The following MARCHF8 variants were observed in gnomAD, a reference collection of about 807,000 sequenced individuals.
MARCHF8 encodes membrane associated ring-CH-type finger 8.
In MARCHF8, 40 loss-of-function variants were observed where a neutral mutation model predicts 51.6. That is an observed-to-expected ratio of 0.77 (90% CI 0.60 to 1.01). MARCHF8 has a LOEUF of 1.01. Among genes scored for constraint, MARCHF8 ranks in the 50% least tolerant of loss-of-function variants. MARCHF8 has a pLI of 0.00. For missense variants in MARCHF8, 685 were observed against 708.6 expected, an observed-to-expected ratio of 0.97 and a Z score of 0.38; for synonymous variants, 263 against 280.3, an observed-to-expected ratio of 0.94 and a Z score of 0.62.
rs374510808 is a variant in MARCHF8 at position 45,456,864 on chromosome 10, G to C, written c.*1375C>G. On this transcript the variant is annotated 3_prime_UTR_variant, in exon 8 of 8. Coordinates refer to ENST00000453424, the MANE Select transcript of MARCHF8 (RefSeq NM_001282866.2). ...GTTTTGTTTTATGAAAATGGTACAG[G>C]TGGTAATCCCTGATGACAGAATGCA... 36 of 152,402 alleles carry C rather than the reference G, an allele frequency of 2.4e-4. No individual in the cohort carries two copies. The East Asian group carries it at 6.7e-3, about 29-fold the overall frequency. The allele number at this position is 152,402 out of a possible 1,614,324, so 9.4% of individuals were successfully genotyped here.
At chr10:45,499,964 T>C (rs999728115) in intron 2 of MARCHF8, among the ~76,000 whole-genome samples, 12 of 152,216 alleles carry the variant, frequency 7.9e-5, no homozygotes, top group Admixed American at 3.9e-4. Flanking sequence ...TCTATTTCTG[T>C]AAAACAAAAG....
intron 6 of MARCHF8, 138 bp from the exon 7 acceptor site, chr10:45,459,405 T>C (rs1842717092): frequency 1.9e-6 from 2 of 1,040,844 alleles, no homozygotes; most frequent in South Asian, 3.4e-5. Context: ...CCAAGTATTG[T>C]TCTCCTAAAA....
At chr10:45,590,496 TG>T (rs2133446858) in intron 1 of MARCHF8, among the ~76,000 whole-genome samples, 1 of 152,304 alleles carries the variant, frequency 6.6e-6, no homozygotes, top group Admixed American at 6.5e-5. Context: ...GAAAGCAATT[TG>T]TATCTAGTAG....
At chr10:45,588,873 C>T (rs1235121726) in intron 1 of MARCHF8, among the ~76,000 whole-genome samples, 1 of 151,716 alleles carries the variant, frequency 6.6e-6, no homozygotes, top group Non-Finnish European at 1.5e-5. Flanking sequence ...TGGCAGGTGC[C>T]TGTAGTTCCA....
At chr10:45,585,184 T>A (rs2044605327) in intron 1 of MARCHF8, among the ~76,000 whole-genome samples, 1 of 152,150 alleles carries the variant, frequency 6.6e-6, no homozygotes, top group African/African-American at 2.4e-5. Flanking sequence ...AACTACTACT[T>A]CTAGAAAAGT....
At chr10:45,480,105 C>T (rs1265909478) in intron 3 of MARCHF8, among the ~76,000 whole-genome samples, 1 of 152,168 alleles carries the variant, frequency 6.6e-6, no homozygotes, top group African/African-American at 2.4e-5. Flanking sequence ...AGCAAAGAGA[C>T]TGGCAGCATT....
At chr10:45,580,799 G>A (rs895071509) in intron 1 of MARCHF8, among the ~76,000 whole-genome samples, 7 of 152,116 alleles carry the variant, frequency 4.6e-5, no homozygotes, top group Non-Finnish European at 7.4e-5. Context: ...TAGGACCACC[G>A]GTGGTATTGT....
intron 1 of MARCHF8, among the ~76,000 whole-genome samples, chr10:45,541,891 A>C (rs1003058176): frequency 6.6e-6 from 1 of 152,192 alleles, no homozygotes; most frequent in Admixed American, 6.5e-5. Context: ...TCCAACAACA[A>C]GGCTTTGGAC....
chr10:45,490,014 G>A (rs550467295), intron 2 of MARCHF8, among the ~76,000 whole-genome samples: 3 of 152,310 alleles, frequency 2.0e-5, no homozygotes, highest in Admixed American at 6.5e-5. Context: ...TCCACATTCA[G>A]TCACATAGTC....
intron 2 of MARCHF8, among the ~76,000 whole-genome samples, chr10:45,531,071 G>T (rs1329687300): frequency 6.6e-6 from 1 of 152,078 alleles, no homozygotes; most frequent in African/African-American, 2.4e-5. Context: ...AAAGTAATTG[G>T]AATATCCAAA....
chr10:45,525,358 T>G (rs2133250229), intron 2 of MARCHF8, among the ~76,000 whole-genome samples: 1 of 152,374 alleles, frequency 6.6e-6, no homozygotes, highest in African/African-American at 2.4e-5. Context: ...AGTTGATCAT[T>G]GAATTACCTT....
rs934100903 is a variant in MARCHF8, at chr10:45,463,367, T to C, written c.872A>G (p.Lys291Arg). 1.9e-6 allele frequency: 3 copies of C among 1,550,764 alleles called. No individual in the cohort carries two copies. Among genetic ancestry groups the C allele is most frequent in the Non-Finnish European group, 2.6e-6 (3 of 1,147,032 alleles). ...ESCAARLHTAKSSSGLAGSMG... is the reference protein window; with the variant it reads ...ESCAARLHTARSSSGLAGSMG... ...ACTCCCTGCCAGCCCGCTGGAGGAC[T>C]TGGCAGTGTGCAGGCGAGCAGCGCA... is the stretch of plus-strand genomic sequence containing the variant. The change falls in exon 5 of 8, where the codon AAG becomes AGG. Residue 291 changes from lysine (K) to arginine (R), a missense_variant. Coordinates refer to ENST00000453424, the MANE Select transcript of MARCHF8 (RefSeq NM_001282866.2).
chr10:45,539,458 T>TAG (rs1448734411), upstream of MARCHF8, among the ~76,000 whole-genome samples: 1 of 151,950 alleles, frequency 6.6e-6, no homozygotes, highest in African/African-American at 2.4e-5. Context: ...AGGCAAGAAA[T>TAG]AACTAAGAGC....
chr10:45,464,367 C>T, intron 3 of MARCHF8, 40 bp from the exon 4 acceptor site: 24 of 1,562,748 alleles, frequency 1.5e-5, no homozygotes, highest in Non-Finnish European at 2.1e-5. Context: ...AGGTAAGAGC[C>T]AAGGGGATTG....
intron 1 of MARCHF8, among the ~76,000 whole-genome samples, chr10:45,573,587 C>A (rs1170288087): frequency 6.6e-6 from 1 of 152,162 alleles, no homozygotes; most frequent in South Asian, 2.1e-4. Context: ...AAATCCAACT[C>A]GCCCAGCAGC....
At chr10:45,581,012 G>A (rs1336982307) in intron 1 of MARCHF8, among the ~76,000 whole-genome samples, 2 of 152,112 alleles carry the variant, frequency 1.3e-5, no homozygotes, top group Non-Finnish European at 2.9e-5. Flanking sequence ...AGTCAGGTAA[G>A]AGGAGGCTGT....
intron 2 of MARCHF8, among the ~76,000 whole-genome samples, chr10:45,510,319 C>T (rs1450545734): frequency 1.3e-5 from 2 of 152,028 alleles, no homozygotes. Context: ...TATGGCAGCC[C>T]AAGCAGACTA....
intron 1 of MARCHF8, among the ~76,000 whole-genome samples, chr10:45,552,194 TGAAA>T (rs1191317691): frequency 6.6e-6 from 1 of 151,540 alleles, no homozygotes; most frequent in Non-Finnish European, 1.5e-5. Context: ...CTAAAGAAGG[TGAAA>T]GAAAGAAAAG....
At chr10:45,509,842 C>T (rs2043461524) in intron 2 of MARCHF8, among the ~76,000 whole-genome samples, 1 of 152,166 alleles carries the variant, frequency 6.6e-6, no homozygotes, top group Non-Finnish European at 1.5e-5. Context: ...GCATAGCTTC[C>T]TAGCCTTAAG....
Sources: gnomAD v4.1 joint callset for allele counts (sites outside exome capture counted in the v4.1 genomes callset) on GRCh38, gnomAD v4.1.1 for gene constraint, MANE v1.5 for transcripts, NCBI Gene and HGNC (gene_info 2026-07-23, HGNC 2026-07-21) for gene names.